The following GAS7 variants were observed in gnomAD, a reference collection of about 807,000 sequenced individuals.
The protein encoded by GAS7 is growth arrest-specific protein 7.
GAS7 carries 28 observed loss-of-function variants against 71.1 expected under a neutral mutation model. That is an observed-to-expected ratio of 0.39 (90% CI 0.29 to 0.54). GAS7 has a LOEUF of 0.54. GAS7 is among the 20% of genes least tolerant of loss of function. The pLI is 0.62. For missense variants in GAS7, 436 were observed against 627.8 expected, an observed-to-expected ratio of 0.69 and a Z score of 3.27; for synonymous variants, 258 against 245.8, an observed-to-expected ratio of 1.05 and a Z score of -0.46.
intron 6 of GAS7, among the ~76,000 whole-genome samples, chr17:9,943,950 T>C (rs1186976547): frequency 2.0e-5 from 3 of 152,206 alleles, no homozygotes; most frequent in Non-Finnish European, 2.9e-5. Context: ...TCTGAGCACA[T>C]TGCTGAGCAC....
At position 9,918,702 on chromosome 17, in the gene GAS7, G is replaced by C. The variant is rs144532994; in HGVS notation, c.1219-603C>G. ...AGACCGGGCCAGGGAGGCAGACTGG[G>C]CTGCACGTGGCACAGCTTTTGTCAA... On this transcript the variant is annotated intron_variant, in intron 12 of 13. Transcript: ENST00000432992. 6.5e-3 allele frequency among the ~76,000 whole-genome samples: 992 copies of C among 152,372 alleles called. 13 individuals carry two copies. Among genetic ancestry groups the C allele is most frequent in the African/African-American group, 0.022 (935 of 41,594 alleles).
intron 1 of GAS7, among the ~76,000 whole-genome samples, chr17:10,097,986 A>G (rs1176620413): frequency 2.0e-5 from 3 of 151,712 alleles, no homozygotes; most frequent in African/African-American, 7.3e-5. Context: ...AGAGGTCGCA[A>G]TGAGCCAAGA....
At chr17:10,029,945 A>C (rs536389519) in intron 1 of GAS7, among the ~76,000 whole-genome samples, 2 of 152,228 alleles carry the variant, frequency 1.3e-5, no homozygotes, top group South Asian at 4.2e-4. Flanking sequence ...ACACCGAGGG[A>C]GATGGAAACA....
chr17:10,195,935 G>A (rs1286484418), intron 1 of GAS7, among the ~76,000 whole-genome samples: 1 of 152,130 alleles, frequency 6.6e-6, no homozygotes, highest in Non-Finnish European at 1.5e-5. Context: ...GTCCCACCCA[G>A]TACTTAGGAT....
chr17:10,123,380 C>T (rs1381690645), intron 1 of GAS7, among the ~76,000 whole-genome samples: 11 of 152,118 alleles, frequency 7.2e-5, no homozygotes, highest in Admixed American at 4.6e-4. Context: ...GTCCAGGGAC[C>T]ACACTTTAAG....
At chr17:10,178,368 ACT>A (rs2074388493) in intron 1 of GAS7, among the ~76,000 whole-genome samples, 1 of 150,810 alleles carries the variant, frequency 6.6e-6, no homozygotes, top group East Asian at 2.0e-4. Flanking sequence ...CCACCCCCAC[ACT>A]CTCTGAATGA....
chr17:9,953,146 A>G (rs2069089377), intron 5 of GAS7, among the ~76,000 whole-genome samples: 1 of 151,984 alleles, frequency 6.6e-6, no homozygotes, highest in Admixed American at 6.6e-5. Context: ...CATATACAAC[A>G]TGAAATACTA....
chr17:10,161,564 A>T (rs2074256422), intron 1 of GAS7, among the ~76,000 whole-genome samples: 1 of 152,226 alleles, frequency 6.6e-6, no homozygotes, highest in East Asian at 1.9e-4. Flanking sequence ...AAGGTCGCAG[A>T]CTTTGAACTT....
At chr17:10,071,778 T>A (rs1326307391) in intron 1 of GAS7, among the ~76,000 whole-genome samples, 7 of 149,770 alleles carry the variant, frequency 4.7e-5, no homozygotes, top group Non-Finnish European at 7.4e-5. Context: ...ATAATAATAA[T>A]AAACAAAAAT....
chr17:10,192,735 G>T (rs2074511721), intron 1 of GAS7, among the ~76,000 whole-genome samples: 1 of 152,306 alleles, frequency 6.6e-6, no homozygotes, highest in South Asian at 2.1e-4. Context: ...GCACACAAGT[G>T]TGACAAAAGA....
At chr17:10,167,729 C>T (rs915819848) in intron 1 of GAS7, among the ~76,000 whole-genome samples, 4 of 151,878 alleles carry the variant, frequency 2.6e-5, no homozygotes, top group Non-Finnish European at 5.9e-5. Flanking sequence ...GACAAGGTCT[C>T]GCTCTGTCAC....
chr17:10,159,834 G>A (rs1413178997), intron 1 of GAS7, among the ~76,000 whole-genome samples: 1 of 146,040 alleles, frequency 6.8e-6, no homozygotes, highest in African/African-American at 2.6e-5. Context: ...CGCCCAGGCT[G>A]AAGTGCAGTG....
In GAS7 at chr17:9,919,780, C is replaced by T; in HGVS notation, c.1139-75G>A. 1.8e-6 allele frequency: 2 copies of T among 1,096,122 alleles called. No homozygotes were observed. The highest frequency in any genetic ancestry group is 2.8e-6 in the Non-Finnish European group (2 of 710,732). 67.9% of individuals were successfully genotyped at this position (1,096,122 alleles called of 1,614,324 possible). A position where few individuals can be genotyped will look rare whatever the true frequency, so the allele number is the denominator to read the frequency against. ...ACTCTGTGCCCCACCCTGAGCCCCA[C>T]AGCCAAGCCTTCTCCTCCCCCTGGG... On this transcript the variant is annotated intron_variant, in intron 11 of 13. Coordinates refer to ENST00000432992, the MANE Select transcript of GAS7 (RefSeq NM_201433.2). The surrounding 1 kb of genome is among the most constrained non-coding windows in gnomAD (Gnocchi z 5.0).
chr17:9,926,725 G>A lies in GAS7; in HGVS notation c.930C>T (p.Asn310=). Residue 310 remains asparagine, a synonymous_variant, in exon 10 of 14, where the codon AAC becomes AAT. Coordinates refer to ENST00000432992, the MANE Select transcript of GAS7 (RefSeq NM_201433.2). The surrounding 1 kb of genome is among the most constrained non-coding windows in gnomAD (Gnocchi z 5.0). ...CGCACTTCTTCATGTCTTTCTTGAAGTTCTCACGGAAGTTCATCAGGGGCT... is the reference window on the plus strand; with the variant it reads ...CGCACTTCTTCATGTCTTTCTTGAAATTCTCACGGAAGTTCATCAGGGGCT... ...VEKPLMNFRE[N]FKKDMKKCDH... 1 of 1,613,906 alleles carries A rather than the reference G, an allele frequency of 6.2e-7. No individual in the cohort carries two copies. Among genetic ancestry groups the A allele is most frequent in the Non-Finnish European group, 8.5e-7 (1 of 1,179,774 alleles).
At chr17:10,035,889 T>C (rs933574546) in intron 1 of GAS7, among the ~76,000 whole-genome samples, 95 of 152,312 alleles carry the variant, frequency 6.2e-4, no homozygotes, top group African/African-American at 2.0e-3. Flanking sequence ...TAGGGAGCCA[T>C]GACCCCAGGA....
chr17:10,034,719 TCTGA>T lies in GAS7; in HGVS notation c.184-14826_184-14823del, dbSNP rs1217942101. Among the ~76,000 whole-genome samples, 3 of 152,212 alleles carry T rather than the reference TCTGA, an allele frequency of 2.0e-5. No homozygotes were observed. The highest frequency in any genetic ancestry group is 2.9e-5 in the Non-Finnish European group (2 of 68,032). On this transcript the variant is annotated intron_variant, in intron 1 of 13. Coordinates refer to ENST00000432992, the MANE Select transcript of GAS7 (RefSeq NM_201433.2). This position sits in a 1 kb window ranked among gnomAD's most constrained non-coding sequence, Gnocchi z 4.4. ...ACATGGGCATCATGTCTAGGAGGCA[TCTGA>T]CTGTTCCTGAAACGTGGGCTGTGCC...
At chr17:9,983,251 G>A (rs1209975613) in intron 2 of GAS7, among the ~76,000 whole-genome samples, 3 of 152,142 alleles carry the variant, frequency 2.0e-5, no homozygotes, top group Non-Finnish European at 4.4e-5. Context: ...ATACTTTTGG[G>A]AGGCTGAGGT....
chr17:10,065,081 C>G (rs926623599), intron 1 of GAS7, among the ~76,000 whole-genome samples: 1 of 152,162 alleles, frequency 6.6e-6, no homozygotes, highest in Non-Finnish European at 1.5e-5. Flanking sequence ...CTTGACCTCC[C>G]AAAGAGCTGG....
At chr17:10,177,059 T>C (rs774375377) in intron 1 of GAS7, among the ~76,000 whole-genome samples, 16 of 151,598 alleles carry the variant, frequency 1.1e-4, no homozygotes, top group Non-Finnish European at 2.4e-4. Flanking sequence ...GAGCTCAGAG[T>C]GTAATGGAGG....
Sources: allele counts gnomAD v4.1 joint callset (sites outside exome capture counted in the v4.1 genomes callset), GRCh38; gene constraint gnomAD v4.1.1; non-coding constraint Gnocchi (gnomAD v3.1); transcripts MANE v1.5; gene names NCBI Gene and HGNC (gene_info 2026-07-23, HGNC 2026-07-21).